The following ZNF610 variants were observed in gnomAD, a reference collection of about 807,000 sequenced individuals.
The protein encoded by ZNF610 is zink finger protein.
A neutral mutation model predicts 14.1 loss-of-function variants in ZNF610; 14 were observed. The observed-to-expected ratio is 0.99, with a 90% CI of 0.65 to 1.55. The LOEUF is 1.55. Among genes scored for constraint, ZNF610 ranks in the 40% most tolerant of loss-of-function variants. The probability of loss-of-function intolerance (pLI) is 0.00; values close to 1 mark genes in which losing one functional copy is unlikely to be tolerated. For synonymous variants in ZNF610, 185 were observed against 187.6 expected (o/e 0.99, Z 0.11); for missense variants, 530 against 558.0 (o/e 0.95, Z 0.51).
At chr19:52,343,003 A>C (rs1600230380) in intron 1 of ZNF610, among the ~76,000 whole-genome samples, 3 of 148,384 alleles carry the variant, frequency 2.0e-5, no homozygotes, top group African/African-American at 5.0e-5. Flanking sequence ...CTCTCCACCC[A>C]CCCCTCTCTC....
chr19:52,339,443 T>C (rs1014605939), intron 1 of ZNF610, among the ~76,000 whole-genome samples: 1 of 146,302 alleles, frequency 6.8e-6, no homozygotes, highest in Non-Finnish European at 1.5e-5. Context: ...CCTTCCACAG[T>C]GTATTGTGTC....
chr19:52,354,413 GTTTTTATT>G, intron 5 of ZNF610, 34 bp downstream of exon 5: 3 of 1,597,100 alleles, frequency 1.9e-6, no homozygotes, highest in Middle Eastern at 3.4e-4. Context: ...GGAGGCCATA[GTTTTTATT>G]TTTTTATTTT....
At chr19:52,349,560 A>G (rs1985143583) in intron 3 of ZNF610, among the ~76,000 whole-genome samples, 3 of 150,444 alleles carry the variant, frequency 2.0e-5, no homozygotes, top group South Asian at 2.1e-4. Context: ...GAGGCTGCCA[A>G]TGGAAGTCAC....
intron 1 of ZNF610, among the ~76,000 whole-genome samples, chr19:52,344,392 T>A (rs372152963): frequency 5.3e-4 from 80 of 152,230 alleles, no homozygotes; most frequent in African/African-American, 1.9e-3. Context: ...AAGCTGTGTG[T>A]GTTTCTTTCT....
In ZNF610 at chr19:52,351,362, G is replaced by A. The variant is rs546353180; in HGVS notation, c.63+2127G>A. ...TCCCAGCTACTTGGGAGGCTTAGGC[G>A]GGAGAATCACTTGAACCCGGGAGAT... On this transcript the variant is annotated intron_variant, in intron 3 of 5. Coordinates refer to ENST00000403906, the MANE Select transcript of ZNF610 (RefSeq NM_001161425.2). Among the ~76,000 whole-genome samples the A allele has an allele frequency of 1.1e-4, 17 of 151,456 alleles. No individual in the cohort carries two copies. The East Asian group carries it at 2.0e-3, about 17-fold the overall frequency.
intron 5 of ZNF610, among the ~76,000 whole-genome samples, chr19:52,358,326 G>A (rs1467205459): frequency 6.6e-6 from 1 of 152,146 alleles, no homozygotes; most frequent in Non-Finnish European, 1.5e-5. Context: ...TACAACTACA[G>A]GCATGCGCCA....
chr19:52,352,460 A>G (rs1203109630), intron 3 of ZNF610, among the ~76,000 whole-genome samples: 1 of 151,368 alleles, frequency 6.6e-6, no homozygotes, highest in Non-Finnish European at 1.5e-5. Context: ...CTGGTCTCGA[A>G]CTCCCCACCT....
chr19:52,340,629 AC>A (rs985922023), intron 1 of ZNF610, among the ~76,000 whole-genome samples: 37 of 151,674 alleles, frequency 2.4e-4, no homozygotes, highest in Middle Eastern at 3.4e-3. Flanking sequence ...GAGTGGAATG[AC>A]ATCCCTCCTC....
chr19:52,355,844 G>A (rs897218609), intron 5 of ZNF610, among the ~76,000 whole-genome samples: 3 of 152,248 alleles, frequency 2.0e-5, no homozygotes, highest in Non-Finnish European at 4.4e-5. Flanking sequence ...CACGTGGGAA[G>A]ATTGACTGGG....
In ZNF610 at chr19:52,354,383, A is replaced by G; in HGVS notation, c.319+4A>G. ...TGTGTCAGAAGCGTGAACACAGGTA[A>G]GAGCTCTGATGGGCAGTGTGGAGGC... On this transcript the variant is annotated splice_donor_region_variant and intron_variant, in intron 5 of 5. Coordinates refer to ENST00000403906, the MANE Select transcript of ZNF610 (RefSeq NM_001161425.2). The G allele has an allele frequency of 6.2e-7, 1 of 1,613,946 alleles. No individual in the cohort carries two copies. The highest frequency in any genetic ancestry group is 8.5e-7 in the Non-Finnish European group (1 of 1,179,934).
intron 3 of ZNF610, 105 bp downstream of exon 3, chr19:52,349,340 C>T: frequency 7.3e-7 from 1 of 1,373,458 alleles, no homozygotes; most frequent in Non-Finnish European, 1.0e-6. Context: ...TTCCCTCAGT[C>T]CCTTTCATCT....
intron 1 of ZNF610, among the ~76,000 whole-genome samples, chr19:52,339,017 G>A (rs1164364773): frequency 7.2e-5 from 11 of 151,970 alleles, no homozygotes; most frequent in Admixed American, 2.0e-4. Context: ...GTAATAGTGG[G>A]GAGAGGGTCA....
upstream of ZNF610, among the ~76,000 whole-genome samples, chr19:52,333,920 G>A (rs892465992): frequency 2.0e-5 from 3 of 152,146 alleles, no homozygotes; most frequent in Non-Finnish European, 4.4e-5. Flanking sequence ...TCCAGCTATG[G>A]AGTCACTGTT....
intron 5 of ZNF610, among the ~76,000 whole-genome samples, chr19:52,355,907 C>T (rs536490092): frequency 5.6e-4 from 86 of 152,328 alleles, no homozygotes; most frequent in South Asian, 5.6e-3. Context: ...CCTCTTGTGA[C>T]CCCATAGTTC....
chr19:52,330,838 A>C, the ZNF610 span, among the ~76,000 whole-genome samples: 201 of 152,342 alleles, frequency 1.3e-3, no homozygotes, highest in African/African-American at 4.7e-3. Context: ...CCATGAAGAG[A>C]CCAAGAAGGA....
At chr19:52,348,295 T>C (rs536325457) in intron 2 of ZNF610, 4 of 152,350 alleles carry the variant, frequency 2.6e-5, no homozygotes, top group South Asian at 4.1e-4. Flanking sequence ...TGATTACTTA[T>C]AATGGATTAT....
intron 1 of ZNF610, among the ~76,000 whole-genome samples, chr19:52,343,200 A>G (rs1984770302): frequency 6.6e-6 from 1 of 152,220 alleles, no homozygotes; most frequent in African/African-American, 2.4e-5. Flanking sequence ...TGTCAAATGT[A>G]TTTAAAATGT....
chr19:52,338,228 G>T (rs321916), intron 1 of ZNF610, among the ~76,000 whole-genome samples: 5 of 152,316 alleles, frequency 3.3e-5, no homozygotes, highest in African/African-American at 9.6e-5. Flanking sequence ...ATGAACCGGG[G>T]GTTCCCATGA....
In ZNF610 at chr19:52,365,702, G is replaced by C; in HGVS notation, c.324G>C (p.Arg108Ser). ...RECVRSVNTGRSCVLGSNAEN... is the reference protein window; with the variant it reads ...RECVRSVNTGSSCVLGSNAEN... ...CTACTCTTTCTTCTTTTCTAGGGAG[G>C]AGCTGTGTATTGGGAAGCAATGCAG... The change falls in exon 6 of 6, where the codon AGG (arginine) becomes AGC (serine). Residue 108 changes from arginine to serine, a missense_variant. Physicochemically the swap from Arg to Ser is moderately radical, Grantham distance 110. Transcript: ENST00000403906. 6.3e-7 allele frequency: 1 copy of C among 1,599,552 alleles called. No homozygotes were observed. Among genetic ancestry groups the C allele is most frequent in the Non-Finnish European group, 8.5e-7 (1 of 1,174,702 alleles).
Sources: gnomAD v4.1 joint callset for allele counts (sites outside exome capture counted in the v4.1 genomes callset) on GRCh38, gnomAD v4.1.1 for gene constraint, MANE v1.5 for transcripts, NCBI Gene and HGNC (gene_info 2026-07-23, HGNC 2026-07-21) for gene names.